The following IGF2BP2 variants were observed in gnomAD, a reference collection of about 807,000 sequenced individuals.
IGF2BP2 encodes insulin-like growth factor 2 mRNA-binding protein 2.
In IGF2BP2, 17 loss-of-function variants were observed where a neutral mutation model predicts 75.8. That is an observed-to-expected ratio of 0.22 (90% confidence interval 0.15 to 0.34). IGF2BP2 has a LOEUF of 0.34. Among genes scored for constraint, IGF2BP2 ranks in the 10% least tolerant of loss-of-function variants. IGF2BP2 has a pLI of 1.00. For missense variants in IGF2BP2, 516 were observed against 772.4 expected (o/e 0.67, Z 3.93); for synonymous variants, 288 against 295.6 (o/e 0.97, Z 0.26).
intron 2 of IGF2BP2, among the ~76,000 whole-genome samples, chr3:185,817,528 AT>A (rs1740768634): frequency 6.6e-6 from 1 of 152,242 alleles, no homozygotes; most frequent in Admixed American, 6.5e-5. Context: ...AAAGTCCATG[AT>A]CAAAACAGGA....
intron 2 of IGF2BP2, among the ~76,000 whole-genome samples, chr3:185,725,462 T>C (rs905125477): frequency 6.6e-6 from 1 of 151,968 alleles, no homozygotes; most frequent in African/African-American, 2.4e-5. Context: ...GGTCACAAAT[T>C]AGATGTGGGG....
intron 2 of IGF2BP2, among the ~76,000 whole-genome samples, chr3:185,820,591 T>C (rs755912425): frequency 1.3e-5 from 2 of 152,136 alleles, no homozygotes; most frequent in Non-Finnish European, 2.9e-5. Context: ...GAGAAAATAA[T>C]GGCATCTAGT....
chr3:185,659,363 A>G (rs937751239), intron 10 of IGF2BP2, among the ~76,000 whole-genome samples: 1 of 152,144 alleles, frequency 6.6e-6, no homozygotes, highest in Non-Finnish European at 1.5e-5. Flanking sequence ...TTTAGAAAGT[A>G]GCTGCTTTTA....
At chr3:185,688,174 G>A (rs1427637602) in intron 6 of IGF2BP2, among the ~76,000 whole-genome samples, 1 of 152,134 alleles carries the variant, frequency 6.6e-6, no homozygotes. Flanking sequence ...CAGGTTACAA[G>A]ACACCCACTG....
In IGF2BP2 at chr3:185,750,858, G is replaced by A. The variant is rs955745543; in HGVS notation, c.240-52511C>T. Among the ~76,000 whole-genome samples the A allele has an allele frequency of 2.0e-5, 3 of 152,126 alleles. No homozygotes were observed. The East Asian group carries it at 5.8e-4, about 29-fold the overall frequency. On this transcript the variant is annotated intron_variant, in intron 2 of 15. Coordinates refer to ENST00000382199, the MANE Select transcript of IGF2BP2 (RefSeq NM_006548.6). ...TAAATCAGCCAAAGATAAGCAAACC[G>A]TCACACCACTTGAACACGTGTTTCC...
At chr3:185,660,364 A>G (rs1423490780) in intron 10 of IGF2BP2, among the ~76,000 whole-genome samples, 1 of 152,122 alleles carries the variant, frequency 6.6e-6, no homozygotes, top group Non-Finnish European at 1.5e-5. Flanking sequence ...GTGACAGGCA[A>G]TGCCCTCCAT....
intron 2 of IGF2BP2, among the ~76,000 whole-genome samples, chr3:185,821,863 ATTATT>A (rs1427277024): frequency 1.3e-5 from 2 of 152,168 alleles, no homozygotes; most frequent in Non-Finnish European, 2.9e-5. Flanking sequence ...AGCAAAAAAT[ATTATT>A]TTAAAGAAAA....
chr3:185,675,948 T>C (rs747409620), intron 7 of IGF2BP2, 35 bp from the exon 8 acceptor site: 284 of 1,610,328 alleles, frequency 1.8e-4, no homozygotes, highest in Non-Finnish European at 2.3e-4. Flanking sequence ...ACACTTCAGA[T>C]ACGTATAACG....
intron 2 of IGF2BP2, among the ~76,000 whole-genome samples, chr3:185,711,988 TC>T (rs967656171): frequency 2.6e-5 from 4 of 152,164 alleles, no homozygotes; most frequent in African/African-American, 9.7e-5. Flanking sequence ...CCTGATGTGC[TC>T]AGGAGAGTTG....
chr3:185,690,030 G>T (rs1300193303), intron 5 of IGF2BP2, among the ~76,000 whole-genome samples: 1 of 151,748 alleles, frequency 6.6e-6, no homozygotes, highest in Non-Finnish European at 1.5e-5. Context: ...CATTTAATAG[G>T]TGCCTATATG....
intron 14 of IGF2BP2, among the ~76,000 whole-genome samples, chr3:185,649,061 AG>A (rs1336937543): frequency 1.3e-5 from 2 of 151,992 alleles, no homozygotes; most frequent in Admixed American, 1.3e-4. Context: ...GTGGGTATAA[AG>A]GGGGCAGAAG....
chr3:185,675,192 G>A (rs751566802), intron 9 of IGF2BP2, 104 bp downstream of exon 9: 108 of 1,191,416 alleles, frequency 9.1e-5, no homozygotes, highest in Admixed American at 5.8e-4. Context: ...TAGGAAGTCA[G>A]GAAAAACTCT....
chr3:185,687,010 T>C, intron 7 of IGF2BP2, 47 bp downstream of exon 7: 1 of 1,591,532 alleles, frequency 6.3e-7, no homozygotes, highest in Non-Finnish European at 8.5e-7. Context: ...AGGGAGAATC[T>C]ACTCTTTTTC....
chr3:185,735,328 T>A (rs1728719383), intron 2 of IGF2BP2, among the ~76,000 whole-genome samples: 2 of 152,022 alleles, frequency 1.3e-5, no homozygotes, highest in Admixed American at 6.5e-5. Context: ...GTATTTTTAG[T>A]AGAGATGGGG....
Position 185,736,763 on chromosome 3 carries a change from G to A in IGF2BP2, c.240-38416C>T, listed in dbSNP as rs1329411137. On this transcript the variant is annotated intron_variant, in intron 2 of 15. Coordinates refer to ENST00000382199, the MANE Select transcript of IGF2BP2 (RefSeq NM_006548.6). ...GTTAGGCTTCACGGGCAGTCTCTGC[G>A]ATGTCGGACTGCACAATGTTGGGGA... Among the ~76,000 whole-genome samples the A allele has an allele frequency of 2.6e-5, 4 of 152,234 alleles. No individual in the cohort carries two copies. In the East Asian group the frequency reaches 5.8e-4, roughly 22 times the overall value.
At chr3:185,768,031 C>A (rs950452499) in intron 2 of IGF2BP2, 1 of 152,144 alleles carries the variant, frequency 6.6e-6, no homozygotes, top group African/African-American at 2.4e-5. Context: ...CTTATATACA[C>A]TTTTGTGACT....
At chr3:185,665,985 G>C (rs577900942) in intron 10 of IGF2BP2, among the ~76,000 whole-genome samples, 1 of 145,486 alleles carries the variant, frequency 6.9e-6, no homozygotes, top group South Asian at 2.2e-4. Context: ...CAGATAGATA[G>C]ATAGGTAGAT....
intron 2 of IGF2BP2, among the ~76,000 whole-genome samples, chr3:185,794,132 T>C (rs756229021): frequency 6.6e-6 from 1 of 151,722 alleles, no homozygotes; most frequent in Non-Finnish European, 1.5e-5. Context: ...TAATTTTTTT[T>C]ATATGTATAT....
rs560836610 is a variant in IGF2BP2 at position 185,755,077 on chromosome 3, T to C, written c.240-56730A>G. ...AGCCAAGTGCTAACATCCAAGACAA[T>C]GGGGGAAAAAAGCCTCAAAGCCATT... On this transcript the variant is annotated intron_variant, in intron 2 of 15. Transcript: ENST00000382199. Among the ~76,000 whole-genome samples the C allele has an allele frequency of 1.1e-4, 16 of 152,162 alleles. No individual in the cohort carries two copies. In the Middle Eastern group the frequency reaches 0.01, roughly 97 times the overall value.
Sources: allele counts gnomAD v4.1 joint callset (sites outside exome capture counted in the v4.1 genomes callset), GRCh38; gene constraint gnomAD v4.1.1; transcripts MANE v1.5; gene names NCBI Gene and HGNC (gene_info 2026-07-23, HGNC 2026-07-21).